Variants in EFCAB8 observed in about 807,000 individuals in gnomAD.
The protein encoded by EFCAB8 is EF-hand calcium-binding domain-containing protein 8.
EFCAB8 carries 100 observed loss-of-function variants against 116.3 expected under a neutral mutation model. The ratio of observed to expected loss-of-function variants is 0.86; its 90% confidence interval spans 0.73 to 1.02. The LOEUF is 1.02. EFCAB8 is among the 50% of genes least tolerant of loss of function. The pLI is 0.00. For missense variants in EFCAB8, 1,320 were observed against 1,416.9 expected (o/e 0.93, Z 1.10); for synonymous variants, 558 against 567.9 (o/e 0.98, Z 0.25).
intron 22 of EFCAB8, among the ~76,000 whole-genome samples, chr20:32,935,780 C>T (rs1988098163): frequency 6.6e-6 from 1 of 152,176 alleles, no homozygotes; most frequent in Non-Finnish European, 1.5e-5. Flanking sequence ...GCTGGGATTA[C>T]AAGAGTGAGT....
chr20:32,887,146 C>T (rs1201622162), intron 6 of EFCAB8, among the ~76,000 whole-genome samples: 2 of 152,204 alleles, frequency 1.3e-5, no homozygotes, highest in Non-Finnish European at 2.9e-5. Flanking sequence ...CTCCTCTCTG[C>T]CCCTGCCTTC....
At chr20:32,920,886 T>C (rs753160818) in intron 20 of EFCAB8, among the ~76,000 whole-genome samples, 2 of 152,120 alleles carry the variant, frequency 1.3e-5, no homozygotes, top group Non-Finnish European at 2.9e-5. Context: ...CTCCAGACTC[T>C]AGTTAGAATG....
chr20:32,895,608 A>G (rs6058945), intron 9 of EFCAB8, among the ~76,000 whole-genome samples: 97,977 of 143,636 alleles, frequency 0.68, 33,436 homozygotes, highest in Middle Eastern at 0.82. Flanking sequence ...GTCTTGCTCT[A>G]TTGCCCAGGC....
intron 11 of EFCAB8, among the ~76,000 whole-genome samples, chr20:32,899,158 G>T (rs911803853): frequency 6.6e-6 from 1 of 152,112 alleles, no homozygotes; most frequent in Non-Finnish European, 1.5e-5. Context: ...AGCCGAGGTG[G>T]GTGGATCATG....
intron 6 of EFCAB8, among the ~76,000 whole-genome samples, chr20:32,886,407 C>T (rs1441596381): frequency 6.6e-5 from 10 of 152,096 alleles, no homozygotes; most frequent in South Asian, 2.1e-4. Context: ...CTCCAGCAGA[C>T]GAGGAAAGCA....
intron 23 of EFCAB8, among the ~76,000 whole-genome samples, chr20:32,949,100 G>A (rs1988719938): frequency 6.6e-6 from 1 of 152,134 alleles, no homozygotes; most frequent in African/African-American, 2.4e-5. Context: ...TTACTAAAAA[G>A]AGTTAGTAAG....
chr20:32,867,265 G>C (rs569573612), intron 2 of EFCAB8, among the ~76,000 whole-genome samples: 1 of 150,008 alleles, frequency 6.7e-6, no homozygotes, highest in South Asian at 2.1e-4. Flanking sequence ...AAATGATATA[G>C]TTACTGAACT....
chr20:32,930,998 T>G (rs963373983), intron 21 of EFCAB8, among the ~76,000 whole-genome samples, 180 bp from the exon 22 acceptor site: 3 of 151,854 alleles, frequency 2.0e-5, no homozygotes, highest in Admixed American at 6.6e-5. Flanking sequence ...AATCCAGGAG[T>G]ATGGCCTAGA....
Position 32,865,827 on chromosome 20 carries a change from G to A in EFCAB8, c.43-1755G>A, listed in dbSNP as rs118071781. ...AAAAAAAAAATTTGCTGCCTAGAAA[G>A]ATGACTGGTGCCAGTGTTGGGAGGT... On this transcript the variant is annotated intron_variant, in intron 2 of 26. Transcript: ENST00000400522. Among the ~76,000 whole-genome samples the A allele has an allele frequency of 8.6e-3, 1,303 of 151,774 alleles. 10 individuals are homozygous for A. Among genetic ancestry groups the A allele is most frequent in the Non-Finnish European group, 0.013 (916 of 67,904 alleles).
intron 21 of EFCAB8, 34 bp downstream of exon 21, chr20:32,930,650 G>A: frequency 3.2e-6 from 5 of 1,540,856 alleles, no homozygotes; most frequent in Non-Finnish European, 4.4e-6. Flanking sequence ...TTGAGGGGCT[G>A]GTGCCAGCTA....
intron 22 of EFCAB8, among the ~76,000 whole-genome samples, chr20:32,939,026 C>T (rs1988237262): frequency 1.6e-5 from 2 of 127,056 alleles, no homozygotes; most frequent in African/African-American, 6.1e-5. Context: ...CCCTCCCTCC[C>T]TCCCTCCTTC....
chr20:32,951,262 C>T (rs1159432807), intron 23 of EFCAB8, among the ~76,000 whole-genome samples: 3 of 152,114 alleles, frequency 2.0e-5, no homozygotes, highest in African/African-American at 4.8e-5. Context: ...TTGTGACAGC[C>T]TCAAACTAGA....
chr20:32,930,700 G>T (rs761547652), intron 21 of EFCAB8, 84 bp downstream of exon 21: 2 of 1,296,434 alleles, frequency 1.5e-6, no homozygotes, highest in Non-Finnish European at 2.2e-6. Flanking sequence ...CCCTTGCCTA[G>T]TTCCTACTCT....
At chr20:32,871,295 A>G (rs1984673452) in intron 3 of EFCAB8, among the ~76,000 whole-genome samples, 1 of 151,088 alleles carries the variant, frequency 6.6e-6, no homozygotes, top group South Asian at 2.1e-4. Flanking sequence ...TCTTTTAGAG[A>G]TAGGGTTTTC....
At chr20:32,924,390 C>G (rs1600432835) in intron 20 of EFCAB8, among the ~76,000 whole-genome samples, 1 of 152,264 alleles carries the variant, frequency 6.6e-6, no homozygotes, top group Admixed American at 6.5e-5. Context: ...TTTTGTCCAT[C>G]AAACAGCCCT....
intron 11 of EFCAB8, 52 bp downstream of exon 11, chr20:32,898,675 G>A: frequency 1.4e-6 from 1 of 706,668 alleles, no homozygotes. Context: ...AGGGAGGGGG[G>A]TGGTGAGTGG....
chr20:32,881,887 T>G (rs529275448), intron 5 of EFCAB8, among the ~76,000 whole-genome samples: 71 of 152,332 alleles, frequency 4.7e-4, no homozygotes, highest in African/African-American at 1.6e-3. Context: ...GACAACGTTT[T>G]AAAACATGGT....
intron 7 of EFCAB8, 52 bp from the exon 8 acceptor site, chr20:32,892,161 G>T: frequency 6.7e-7 from 1 of 1,486,724 alleles, no homozygotes; most frequent in South Asian, 1.2e-5. Context: ...TGTGACTGAA[G>T]ACCTCCCAGG....
intron 20 of EFCAB8, among the ~76,000 whole-genome samples, chr20:32,924,837 C>T (rs1026469782): frequency 6.6e-6 from 1 of 152,010 alleles, no homozygotes; most frequent in Non-Finnish European, 1.5e-5. Context: ...GTGTGTGTGT[C>T]CCCTCTGGAT....
Sources: gnomAD v4.1 joint callset for allele counts (sites outside exome capture counted in the v4.1 genomes callset) on GRCh38, gnomAD v4.1.1 for gene constraint, MANE v1.5 for transcripts, NCBI Gene and HGNC (gene_info 2026-07-23, HGNC 2026-07-21) for gene names.